The following BMP6 variants were observed in gnomAD, a reference collection of about 807,000 sequenced individuals.
BMP6 encodes the protein VG-1-R.
BMP6 carries 17 observed loss-of-function variants against 54.1 expected under a neutral mutation model. The observed-to-expected ratio is 0.31, with a 90% CI of 0.22 to 0.47. BMP6 has a LOEUF of 0.47. Ranked by LOEUF, BMP6 falls within the 20% of genes least tolerant of loss-of-function variation. BMP6 has a pLI of 1.00. For synonymous variants in BMP6, 328 were observed against 291.2 expected, an observed-to-expected ratio of 1.13 and a Z score of -1.28; for missense variants, 720 against 690.4, an observed-to-expected ratio of 1.04 and a Z score of -0.48.
At chr6:7,819,395 C>T (rs909691475) in intron 1 of BMP6, among the ~76,000 whole-genome samples, 20 of 152,122 alleles carry the variant, frequency 1.3e-4, no homozygotes, top group Non-Finnish European at 1.5e-5. Flanking sequence ...GAAGTTCATC[C>T]AGGTCAATTT....
chr6:7,771,795 G>A (rs1470131521), intron 1 of BMP6, among the ~76,000 whole-genome samples: 1 of 152,178 alleles, frequency 6.6e-6, no homozygotes, highest in East Asian at 1.9e-4. Context: ...GCTCATGCCT[G>A]TAATCCCAGC....
chr6:7,877,010 A>G (rs2113295934), intron 4 of BMP6, among the ~76,000 whole-genome samples: 1 of 152,116 alleles, frequency 6.6e-6, no homozygotes, highest in Admixed American at 6.5e-5. Flanking sequence ...CTTCCCTTGC[A>G]TTCCAGCCAT....
rs1178172789 is a variant in BMP6 at position 7,845,369 on chromosome 6, G to A, written c.857+37G>A. ...CGAGAAAGCCCCAAAGGTGGGGCTG[G>A]CCCCTGTTTCCCACCTTTTGTCATG... On this transcript the variant is annotated intron_variant, in intron 2 of 6. Transcript: ENST00000283147. The A allele has an allele frequency of 5.8e-6, 9 of 1,564,508 alleles. No individual in the cohort carries two copies. The East Asian group carries it at 1.1e-4, about 20-fold the overall frequency.
intron 1 of BMP6, among the ~76,000 whole-genome samples, chr6:7,747,934 C>T (rs1757370435): frequency 6.6e-6 from 1 of 152,202 alleles, no homozygotes; most frequent in African/African-American, 2.4e-5. Context: ...GCGTGAGCCA[C>T]TGTGCCAGGC....
chr6:7,738,251 C>G (rs138624170), intron 1 of BMP6, among the ~76,000 whole-genome samples: 123 of 152,298 alleles, frequency 8.1e-4, no homozygotes, highest in Non-Finnish European at 6.9e-4. Context: ...CTCTCTAACC[C>G]CTTTTGGCTG....
At chr6:7,759,984 T>C (rs4959458) in intron 1 of BMP6, among the ~76,000 whole-genome samples, 33,820 of 151,406 alleles carry the variant, frequency 0.22, 4,000 homozygotes, top group East Asian at 0.32. Context: ...GGATTACAGG[T>C]GTGAGCCACT....
intron 1 of BMP6, among the ~76,000 whole-genome samples, chr6:7,788,422 A>T (rs139317718): frequency 6.6e-6 from 1 of 152,250 alleles, no homozygotes; most frequent in Non-Finnish European, 1.5e-5. Context: ...CTGGTACACA[A>T]TGGGGAAAAT....
intron 1 of BMP6, among the ~76,000 whole-genome samples, chr6:7,820,615 C>T (rs1025050089): frequency 6.6e-6 from 1 of 152,138 alleles, no homozygotes; most frequent in South Asian, 2.1e-4. Flanking sequence ...TGAACTAGAG[C>T]CTGGCCCAGC....
chr6:7,866,537 T>C (rs373563563), intron 4 of BMP6, among the ~76,000 whole-genome samples: 1 of 152,240 alleles, frequency 6.6e-6, no homozygotes, highest in Non-Finnish European at 1.5e-5. Flanking sequence ...CATTGGGTGA[T>C]TCTAAATTTT....
rs80220997 is a variant in BMP6, at chr6:7,840,147, C to T, written c.665-4993C>T. Among the ~76,000 whole-genome samples the T allele has an allele frequency of 5.4e-3, 828 of 152,264 alleles. 8 individuals carry two copies. Among genetic ancestry groups the T allele is most frequent in the African/African-American group, 0.016 (672 of 41,542 alleles). On this transcript the variant is annotated intron_variant, in intron 1 of 6. Transcript: ENST00000283147. The stretch of plus-strand genomic sequence containing the variant: ...TTGCTCTTAACCATAACCAGGCCTA[C>T]ATTTTCCATGTGAGCCTGCCTGTAC...
At chr6:7,800,123 A>T (rs1213193339) in intron 1 of BMP6, among the ~76,000 whole-genome samples, 11 of 143,038 alleles carry the variant, frequency 7.7e-5, no homozygotes, top group Admixed American at 4.2e-4. Flanking sequence ...TGTGTGTGTG[A>T]TCTAAAAGAA....
At chr6:7,823,888 C>T (rs1181404072) in intron 1 of BMP6, among the ~76,000 whole-genome samples, 2 of 152,170 alleles carry the variant, frequency 1.3e-5, no homozygotes, top group Admixed American at 6.5e-5. Flanking sequence ...GTGAAAAATA[C>T]CCTGAAAAGG....
chr6:7,733,672 A>T (rs1170244262), intron 1 of BMP6, among the ~76,000 whole-genome samples: 1 of 152,224 alleles, frequency 6.6e-6, no homozygotes. Flanking sequence ...CCCTGTTTTC[A>T]TCACGACAGC....
At chr6:7,848,756 CTTTA>C (rs1759103050) in intron 2 of BMP6, among the ~76,000 whole-genome samples, 1 of 152,090 alleles carries the variant, frequency 6.6e-6, no homozygotes, top group African/African-American at 2.4e-5. Context: ...TGCCTTTGCG[CTTTA>C]TTTATTTTTA....
At chr6:7,763,232 T>C (rs1279281965) in intron 1 of BMP6, among the ~76,000 whole-genome samples, 1 of 152,168 alleles carries the variant, frequency 6.6e-6, no homozygotes, top group Non-Finnish European at 1.5e-5. Context: ...AGGGGAGGAA[T>C]AGTATGGAAG....
chr6:7,830,934 G>A (rs1329834051), intron 1 of BMP6, among the ~76,000 whole-genome samples: 1 of 152,144 alleles, frequency 6.6e-6, no homozygotes, highest in Non-Finnish European at 1.5e-5. Flanking sequence ...AAGAGGAAGA[G>A]CAAAAGAGAA....
At chr6:7,763,401 G>C (rs1043043134) in intron 1 of BMP6, among the ~76,000 whole-genome samples, 19 of 152,126 alleles carry the variant, frequency 1.2e-4, no homozygotes, top group Non-Finnish European at 2.6e-4. Flanking sequence ...GGAATAAAAA[G>C]ACTCCAAAAA....
chr6:7,839,772 G>C (rs1043134403), intron 1 of BMP6, among the ~76,000 whole-genome samples: 1 of 152,220 alleles, frequency 6.6e-6, no homozygotes, highest in African/African-American at 2.4e-5. Flanking sequence ...ATGAACATGA[G>C]TGTACAAATA....
chr6:7,762,425 C>T (rs184460691), intron 1 of BMP6, among the ~76,000 whole-genome samples: 118 of 152,302 alleles, frequency 7.7e-4, no homozygotes, highest in African/African-American at 2.7e-3. Flanking sequence ...AATAGTCTTT[C>T]GCAGTAGTCC....
Sources: allele counts gnomAD v4.1 joint callset (sites outside exome capture counted in the v4.1 genomes callset), GRCh38; gene constraint gnomAD v4.1.1; transcripts MANE v1.5; gene names NCBI Gene and HGNC (gene_info 2026-07-23, HGNC 2026-07-21).